INSYN2B: variants seen among roughly 807,000 people sequenced by gnomAD.
The protein encoded by INSYN2B is inhibitory synaptic factor family member 2B.
In INSYN2B, 16 loss-of-function variants were observed where a neutral mutation model predicts 41.2. That is an observed-to-expected ratio of 0.39 (90% CI 0.26 to 0.59). INSYN2B has a LOEUF of 0.59. Among genes scored for constraint, INSYN2B ranks in the 20% least tolerant of loss-of-function variants. INSYN2B has a pLI of 0.57. For missense variants in INSYN2B, 608 were observed against 646.4 expected (o/e 0.94, Z 0.64); for synonymous variants, 245 against 244.4 (o/e 1.00, Z -0.02).
intron 1 of INSYN2B, among the ~76,000 whole-genome samples, chr5:169,944,117 T>G (rs1296147284): frequency 6.6e-6 from 1 of 152,200 alleles, no homozygotes; most frequent in African/African-American, 2.4e-5. Context: ...TAACCATGGC[T>G]CCCTTTGAGG....
chr5:169,974,825 T>A (rs1056436985), intron 1 of INSYN2B, among the ~76,000 whole-genome samples: 2 of 151,806 alleles, frequency 1.3e-5, no homozygotes, highest in South Asian at 4.2e-4. Flanking sequence ...GCAATCATAT[T>A]TGTGACCCCC....
chr5:169,875,480 A>T (rs1772271685), intron 3 of INSYN2B: 2 of 333,788 alleles, frequency 6.0e-6, no homozygotes, highest in East Asian at 7.8e-5. Flanking sequence ...TGAGTCTGGC[A>T]TCTGGAAGGC....
intron 1 of INSYN2B, among the ~76,000 whole-genome samples, chr5:169,897,835 C>T (rs969759702): frequency 6.6e-6 from 1 of 152,162 alleles, no homozygotes; most frequent in African/African-American, 2.4e-5. Flanking sequence ...TTAATTTTCT[C>T]CAGGTCTATG....
intron 1 of INSYN2B, among the ~76,000 whole-genome samples, chr5:169,946,500 A>G (rs1776454918): frequency 6.6e-6 from 1 of 152,226 alleles, no homozygotes; most frequent in Non-Finnish European, 1.5e-5. Context: ...GTTGGGCATT[A>G]GGTGGGCAGA....
intron 1 of INSYN2B, among the ~76,000 whole-genome samples, chr5:169,893,076 G>T (rs1773390157): frequency 6.6e-6 from 1 of 151,818 alleles, no homozygotes; most frequent in Admixed American, 6.6e-5. Flanking sequence ...CTTCTCTCTT[G>T]CATCTTCATA....
chr5:169,909,556 A>T (rs1774476750), intron 1 of INSYN2B, among the ~76,000 whole-genome samples: 1 of 152,226 alleles, frequency 6.6e-6, no homozygotes, highest in African/African-American at 2.4e-5. Flanking sequence ...CAAGGTGAGT[A>T]TTATTATCTG....
intron 3 of INSYN2B, chr5:169,875,578 G>A (rs376024262): frequency 2.3e-4 from 52 of 230,324 alleles, no homozygotes; most frequent in African/African-American, 1.1e-3. Flanking sequence ...AATTGTGCAA[G>A]TGCCTCGCCT....
chr5:169,895,113 T>C (rs780799278), intron 1 of INSYN2B, among the ~76,000 whole-genome samples: 4 of 152,160 alleles, frequency 2.6e-5, no homozygotes, highest in Non-Finnish European at 4.4e-5. Flanking sequence ...CCACCTCCCA[T>C]GCAAATCACA....
At chr5:169,939,688 TTGAC>T (rs1776154108) in intron 1 of INSYN2B, among the ~76,000 whole-genome samples, 1 of 152,188 alleles carries the variant, frequency 6.6e-6, no homozygotes, top group African/African-American at 2.4e-5. Flanking sequence ...CATTCCGTCA[TTGAC>T]TGAGACGTCA....
At chr5:169,875,885 T>G (rs1772302164) in intron 3 of INSYN2B, 1 of 152,472 alleles carries the variant, frequency 6.6e-6, no homozygotes, top group Admixed American at 6.5e-5. Context: ...GGATTTATTC[T>G]GAGTGTACTT....
chr5:169,933,668 T>C (rs558058191), intron 1 of INSYN2B, among the ~76,000 whole-genome samples: 105 of 152,284 alleles, frequency 6.9e-4, no homozygotes, highest in Middle Eastern at 6.8e-3. Flanking sequence ...TCAGGGGACC[T>C]TACTGGCCGC....
At chr5:169,979,908 C>G (rs1290213416) in intron 1 of INSYN2B, among the ~76,000 whole-genome samples, 1 of 152,144 alleles carries the variant, frequency 6.6e-6, no homozygotes, top group Non-Finnish European at 1.5e-5. Flanking sequence ...GAATCCCCCT[C>G]CCTTTTTATC....
At chr5:169,961,719 C>T (rs1332536257) in intron 1 of INSYN2B, among the ~76,000 whole-genome samples, 2 of 151,922 alleles carry the variant, frequency 1.3e-5, no homozygotes, top group African/African-American at 2.4e-5. Flanking sequence ...GGCTCACGCC[C>T]GTAATCCCAG....
chr5:169,874,167 C>A (rs1231384395), intron 3 of INSYN2B, among the ~76,000 whole-genome samples: 1 of 152,084 alleles, frequency 6.6e-6, no homozygotes, highest in South Asian at 2.1e-4. Context: ...AATCCCAACA[C>A]TTTGGGAGGC....
intron 1 of INSYN2B, among the ~76,000 whole-genome samples, chr5:169,923,769 T>A (rs1049047068): frequency 1.3e-5 from 2 of 152,216 alleles, no homozygotes; most frequent in Non-Finnish European, 2.9e-5. Context: ...ATATATGGCA[T>A]GTTTCTTAAA....
At chr5:169,944,188 T>A (rs1286796468) in intron 1 of INSYN2B, among the ~76,000 whole-genome samples, 1 of 152,182 alleles carries the variant, frequency 6.6e-6, no homozygotes, top group African/African-American at 2.4e-5. Context: ...CCAAAGGCCC[T>A]GCCTTTGAGT....
intron 1 of INSYN2B, among the ~76,000 whole-genome samples, chr5:169,977,612 T>G: frequency 6.6e-6 from 1 of 152,216 alleles, no homozygotes. Context: ...GAACTCAGGC[T>G]TTCTGGCTCC....
chr5:169,909,881 A>G (rs1774498189), intron 1 of INSYN2B, among the ~76,000 whole-genome samples: 2 of 152,176 alleles, frequency 1.3e-5, no homozygotes, highest in African/African-American at 4.8e-5. Context: ...AATATCACTG[A>G]GTTGTTTACT....
intron 1 of INSYN2B, chr5:169,934,658 G>A (rs1176000097): frequency 4.4e-6 from 2 of 456,256 alleles, no homozygotes; most frequent in East Asian, 6.9e-5. Context: ...CTAGGATGCA[G>A]CTGATGATAG....
Sources: allele counts gnomAD v4.1 joint callset (sites outside exome capture counted in the v4.1 genomes callset), GRCh38; gene constraint gnomAD v4.1.1; transcripts MANE v1.5; gene names NCBI Gene and HGNC (gene_info 2026-07-23, HGNC 2026-07-21).